COL4A2: variants seen among roughly 807,000 people sequenced by gnomAD.
COL4A2 encodes collagen alpha-2(IV) chain.
A neutral mutation model predicts 200.2 loss-of-function variants in COL4A2; 99 were observed. The ratio of observed to expected loss-of-function variants is 0.49; its 90% confidence interval spans 0.42 to 0.58. The LOEUF is 0.58. COL4A2 is among the 20% of genes least tolerant of loss of function. The probability of loss-of-function intolerance (pLI) is 0.00; values close to 1 mark genes in which losing one functional copy is unlikely to be tolerated. For synonymous variants in COL4A2, 897 were observed against 900.6 expected (o/e 1.00, Z 0.07); for missense variants, 1,950 against 2,314.1 (o/e 0.84, Z 3.23).
chr13:110,435,456 C>T (rs1019743166), intron 12 of COL4A2, among the ~76,000 whole-genome samples: 1 of 152,132 alleles, frequency 6.6e-6, no homozygotes, highest in African/African-American at 2.4e-5. Context: ...CCAACAGGTA[C>T]AAGGGAGGAG....
chr13:110,325,466 C>T (rs935713685), intron 3 of COL4A2, among the ~76,000 whole-genome samples: 4 of 152,102 alleles, frequency 2.6e-5, no homozygotes, highest in African/African-American at 7.2e-5. Flanking sequence ...TGAAAGAAAC[C>T]GCCTATTAGA....
intron 4 of COL4A2, among the ~76,000 whole-genome samples, chr13:110,416,861 G>T (rs1390530549): frequency 6.6e-6 from 1 of 152,228 alleles, no homozygotes; most frequent in Non-Finnish European, 1.5e-5. Context: ...CAGTTCTGCT[G>T]CCCTGTGGGC....
rs1472258738 is a variant in COL4A2, at chr13:110,436,302, C to T, written c.760C>T (p.Pro254Ser). ...AGGGCAGCCGGGACCCAACGGGATT[C>T]CATCAGACACCCTCCACCCCATCAT... The part of the protein sequence containing the change: ...DVGQPGPNGI[P>S]SDTLHPIIAP... Residue 254 changes from proline to serine, a missense_variant, in exon 13 of 48, where the codon CCA becomes TCA. By Grantham distance (74) the Pro-to-Ser change is moderately conservative. This residue lies in a region of COL4A2 where 565 missense variants were observed against 593.5 expected (regional missense o/e 0.95). Coordinates refer to ENST00000360467, the MANE Select transcript of COL4A2 (RefSeq NM_001846.4). 1.2e-6 allele frequency: 2 copies of T among 1,613,926 alleles called. No homozygotes were observed. Among genetic ancestry groups the T allele is most frequent in the South Asian group, 2.2e-5 (2 of 91,042 alleles).
chr13:110,404,424 G>A (rs1414736094), intron 4 of COL4A2, among the ~76,000 whole-genome samples: 6 of 152,200 alleles, frequency 3.9e-5, no homozygotes, highest in African/African-American at 1.4e-4. Flanking sequence ...AGGGGGTGCA[G>A]ACTTGTATCA....
chr13:110,426,999 T>C (rs148459581), intron 6 of COL4A2, among the ~76,000 whole-genome samples: 413 of 152,354 alleles, frequency 2.7e-3, no homozygotes, highest in Non-Finnish European at 4.6e-3. Flanking sequence ...GGATCTCTCA[T>C]CTGACGGCAC....
At position 110,489,739 on chromosome 13, in the gene COL4A2, A is replaced by G. The variant is rs920628974; in HGVS notation, c.3300A>G (p.Pro1100=). ...ACATCGGGGACACTATAAATTTACCAGGAAGACCAGGCCTGAAGGGGGAGC... is the reference window on the plus strand; with the variant it reads ...ACATCGGGGACACTATAAATTTACCGGGAAGACCAGGCCTGAAGGGGGAGC... ...FGDIGDTINL[P]GRPGLKGERG... is the part of the protein sequence containing the mutation. The change falls in exon 36 of 48, where the codon CCA becomes CCG. Residue 1100 remains proline, a synonymous_variant. Transcript: ENST00000360467. 2.5e-6 allele frequency: 4 copies of G among 1,614,114 alleles called. No homozygotes were observed. The East Asian group carries it at 6.7e-5, about 27-fold the overall frequency.
intron 3 of COL4A2, among the ~76,000 whole-genome samples, chr13:110,353,163 C>A (rs576906896): frequency 6.6e-6 from 1 of 152,188 alleles, no homozygotes; most frequent in African/African-American, 2.4e-5. Flanking sequence ...TTGGTGAGAC[C>A]CATGCAGGAT....
At chr13:110,410,773 C>A (rs889438482) in intron 4 of COL4A2, among the ~76,000 whole-genome samples, 6 of 152,108 alleles carry the variant, frequency 3.9e-5, no homozygotes, top group Admixed American at 3.9e-4. Context: ...TGAATATTTC[C>A]ATTTCCCAAA....
At chr13:110,421,017 A>G (rs1488486253) in intron 4 of COL4A2, among the ~76,000 whole-genome samples, 1 of 152,244 alleles carries the variant, frequency 6.6e-6, no homozygotes, top group African/African-American at 2.4e-5. Flanking sequence ...TCAGAAGCTC[A>G]GGATGGACTG....
Position 110,436,288 on chromosome 13 carries a change from G to T in COL4A2, c.746G>T (p.Gly249Val). The T allele has an allele frequency of 6.2e-7, 1 of 1,613,814 alleles. No individual in the cohort carries two copies. The highest frequency in any genetic ancestry group is 1.3e-5 in the African/African-American group (1 of 74,878). Reference protein sequence around the residue: ...KGEKGDVGQPGPNGIPSDTLH... With the variant: ...KGEKGDVGQPVPNGIPSDTLH... ...ATGCAGGGTGACGTAGGGCAGCCGG[G>T]ACCCAACGGGATTCCATCAGACACC... The change falls in exon 13 of 48, where the codon GGA (glycine) becomes GTA (valine). Residue 249 changes from glycine (G) to valine (V), a missense_variant. Physicochemically the swap from Gly to Val is moderately radical, Grantham distance 109 (BLOSUM62 -3). Coordinates refer to ENST00000360467, the MANE Select transcript of COL4A2 (RefSeq NM_001846.4).
intron 19 of COL4A2, among the ~76,000 whole-genome samples, 182 bp downstream of exon 19, chr13:110,449,971 C>T (rs1352723138): frequency 6.6e-6 from 1 of 152,210 alleles, no homozygotes; most frequent in Non-Finnish European, 1.5e-5. Flanking sequence ...AGAACCCTCG[C>T]ACATATGACA....
chr13:110,466,079 A>G lies in COL4A2; in HGVS notation c.2038+17A>G, dbSNP rs1882229371. The G allele has an allele frequency of 1.2e-6, 2 of 1,612,008 alleles. No homozygotes were observed. Among genetic ancestry groups the G allele is most frequent in the Non-Finnish European group, 1.7e-6 (2 of 1,178,532 alleles). On this transcript the variant is annotated intron_variant, in intron 26 of 47. Transcript: ENST00000360467. The stretch of plus-strand genomic sequence containing the variant: ...TCCAGCCAGGTACTCTGGGAAGTGC[A>G]GGTGGCTTTAGGACACTAGAGAACT...
At chr13:110,372,771 A>G (rs4773173) in intron 4 of COL4A2, among the ~76,000 whole-genome samples, 53,195 of 152,162 alleles carry the variant, frequency 0.35, 9,454 homozygotes, top group South Asian at 0.46. Context: ...TGAAATAATC[A>G]TTAGTAGCTT....
chr13:110,435,254 T>C (rs1880829974), intron 12 of COL4A2, among the ~76,000 whole-genome samples: 1 of 152,056 alleles, frequency 6.6e-6, no homozygotes, highest in African/African-American at 2.4e-5. Flanking sequence ...AAGAAAAACA[T>C]TGAAGATCCA....
At position 110,363,726 on chromosome 13, in the gene COL4A2, T is replaced by C. The variant is rs372151388; in HGVS notation, c.180+6174T>C. On this transcript the variant is annotated intron_variant, in intron 4 of 47. Coordinates refer to ENST00000360467, the MANE Select transcript of COL4A2 (RefSeq NM_001846.4). ...TGCCAAAGGCATCTTCTATTGTGTATTGCCGTCATAAACCCTACCCTTCCA... is the reference window on the plus strand; with the variant it reads ...TGCCAAAGGCATCTTCTATTGTGTACTGCCGTCATAAACCCTACCCTTCCA... Among the ~76,000 whole-genome samples, 48 of 152,328 alleles carry C rather than the reference T, an allele frequency of 3.2e-4. No homozygotes were observed. The South Asian group carries it at 7.5e-3, about 24-fold the overall frequency.
rs776804161 is a variant in COL4A2, at chr13:110,462,359, G to A, written c.1751G>A (p.Gly584Glu). The change falls in exon 24 of 48, where the codon GGA becomes GAA. Residue 584 changes from glycine to glutamate, a missense_variant. By Grantham distance (98) the Gly-to-Glu change is moderately conservative (BLOSUM62 -2). Coordinates refer to ENST00000360467, the MANE Select transcript of COL4A2 (RefSeq NM_001846.4). ...DGSPGRDGLD[G>E]FPGLPGPPGD... ...AGCCCAGGCCGCGATGGGCTCGATG[G>A]ATTCCCCGGCCTCCCAGGCCCTCCC... The A allele has an allele frequency of 6.2e-7, 1 of 1,613,764 alleles. No homozygotes were observed. Among genetic ancestry groups the A allele is most frequent in the Non-Finnish European group, 8.5e-7 (1 of 1,180,038 alleles).
intron 4 of COL4A2, among the ~76,000 whole-genome samples, chr13:110,360,630 G>C (rs539197869): frequency 6.6e-6 from 1 of 152,110 alleles, no homozygotes; most frequent in Admixed American, 6.6e-5. Flanking sequence ...ATGAAAAATC[G>C]ACACCTTCTG....
chr13:110,428,273 C>G (rs1472544984), intron 6 of COL4A2, among the ~76,000 whole-genome samples, 194 bp from the exon 7 acceptor site: 1 of 152,188 alleles, frequency 6.6e-6, no homozygotes, highest in African/African-American at 2.4e-5. Flanking sequence ...AAATCTTTTC[C>G]CTGCTTAGAA....
intron 45 of COL4A2, among the ~76,000 whole-genome samples, 195 bp from the exon 46 acceptor site, chr13:110,506,220 A>ACTCTCT (rs577134561): frequency 1.3e-5 from 1 of 76,120 alleles, no homozygotes; most frequent in Non-Finnish European, 2.7e-5. Context: ...CCGTCCACTC[A>ACTCTCT]CTCTCTCTCT....
Sources: gnomAD v4.1 joint callset for allele counts (sites outside exome capture counted in the v4.1 genomes callset) on GRCh38, gnomAD v4.1.1 for gene constraint, gnomAD v4.1.1 regional missense constraint, MANE v1.5 for transcripts, NCBI Gene and HGNC (gene_info 2026-07-23, HGNC 2026-07-21) for gene names.